The following UMODL1 variants were observed in gnomAD, a reference collection of about 807,000 sequenced individuals.
UMODL1 encodes the protein uromodulin-like 1.
UMODL1 carries 128 observed loss-of-function variants against 136.3 expected under a neutral mutation model. That is an observed-to-expected ratio of 0.94 (90% CI 0.81 to 1.09). The LOEUF is 1.09. Among genes scored for constraint, UMODL1 ranks in the 50% least tolerant of loss-of-function variants. The probability of loss-of-function intolerance (pLI) is 0.00; values close to 1 mark genes in which losing one functional copy is unlikely to be tolerated. For missense variants in UMODL1, 1,766 were observed against 1,725.6 expected (o/e 1.02, Z -0.41); for synonymous variants, 721 against 720.0 (o/e 1.00, Z -0.02).
At chr21:42,079,827 T>A (rs1387323015) in intron 2 of UMODL1, among the ~76,000 whole-genome samples, 3 of 152,138 alleles carry the variant, frequency 2.0e-5, no homozygotes. Flanking sequence ...CAGGCAGATT[T>A]TTGGGGGTTT....
rs541707109 is a variant in UMODL1 at position 42,083,962 on chromosome 21, C to T, written c.320-122C>T. 60 of 1,274,458 alleles carry T rather than the reference C, an allele frequency of 4.7e-5. No individual in the cohort carries two copies. The African/African-American group carries it at 6.8e-4, about 15-fold the overall frequency. 78.9% of individuals were successfully genotyped at this position (1,274,458 alleles called of 1,614,324 possible). A position where few individuals can be genotyped will look rare whatever the true frequency, so the allele number is the denominator to read the frequency against. ...TCTGCCCAGGCATGGGGATGGGCCC[C>T]GAACAGGCCACAGACCTACAGGCAG... On this transcript the variant is annotated intron_variant, in intron 2 of 22. Coordinates refer to ENST00000408910, the MANE Select transcript of UMODL1 (RefSeq NM_001004416.3).
At chr21:42,103,420 G>C (rs948398988) in intron 8 of UMODL1, 8 of 344,890 alleles carry the variant, frequency 2.3e-5, no homozygotes, top group African/African-American at 4.3e-5. Context: ...CTAAGCACCT[G>C]GCTCTGTGTG....
chr21:42,118,621 T>C (rs2066928521), intron 14 of UMODL1, among the ~76,000 whole-genome samples: 1 of 151,302 alleles, frequency 6.6e-6, no homozygotes, highest in Admixed American at 6.6e-5. Flanking sequence ...TGGGGAGAGG[T>C]AGGGAGGAAG....
At chr21:42,109,137 A>G (rs1364383255) in intron 9 of UMODL1, among the ~76,000 whole-genome samples, 2 of 90,568 alleles carry the variant, frequency 2.2e-5, no homozygotes, top group African/African-American at 4.3e-5. Context: ...CCCACCCCCC[A>G]TGCGGAAAGT....
intron 1 of UMODL1, among the ~76,000 whole-genome samples, chr21:42,074,907 TG>T (rs1173033541): frequency 6.6e-6 from 1 of 151,670 alleles, no homozygotes; most frequent in Non-Finnish European, 1.5e-5. Flanking sequence ...TTTTTATTTT[TG>T]TTTTTTTTTT....
At chr21:42,129,918 C>G (rs961591759) in intron 21 of UMODL1, 121 bp downstream of exon 21, 6 of 703,686 alleles carry the variant, frequency 8.5e-6, no homozygotes, top group Non-Finnish European at 1.3e-5. Context: ...TTCTAAGAGG[C>G]TTATCATAAC....
chr21:42,095,495 C>CT (rs74605814), intron 6 of UMODL1, among the ~76,000 whole-genome samples: 4,021 of 151,672 alleles, frequency 0.027, 78 homozygotes, highest in African/African-American at 0.056. Context: ...TAAATCCCCC[C>CT]GATTCTCTTT....
rs1385093773 is a variant in UMODL1, at chr21:42,099,030, G to A, written c.1036G>A (p.Val346Ile). 6.2e-7 allele frequency: 1 copy of A among 1,614,180 alleles called. No individual in the cohort carries two copies. ...STQNHTFHVR[V>I]YRGMELLRSA... is the part of the protein sequence containing the mutation. ...ACAGAACCACACTTTCCATGTCCGG[G>A]TTTACCGGGGTATGGAGTTGCTCAG... Residue 346 changes from valine (V) to isoleucine (I), a missense_variant, in exon 7 of 23, where the codon GTT becomes ATT. By Grantham distance (29) the Val-to-Ile change is conservative. Transcript: ENST00000408910. This position sits in a 1 kb window ranked among gnomAD's most constrained non-coding sequence, Gnocchi z 4.1.
intron 11 of UMODL1, 59 bp from the exon 12 acceptor site, chr21:42,111,447 G>A (rs948015462): frequency 3.7e-6 from 6 of 1,613,716 alleles, no homozygotes; most frequent in South Asian, 1.1e-5. Context: ...AAGGCTACTG[G>A]GTCAACCCAC....
Position 42,102,180 on chromosome 21 carries a change from G to A in UMODL1, c.1201G>A (p.Glu401Lys). The change falls in exon 8 of 23, where the codon GAA becomes AAA. Residue 401 changes from glutamate to lysine, a missense_variant. By Grantham distance (56) the Glu-to-Lys change is moderately conservative. Coordinates refer to ENST00000408910, the MANE Select transcript of UMODL1 (RefSeq NM_001004416.3). ...LTIKTNAQVF[E>K]VTIKIVNHNL... ...GTCTGTCTCAGATGCCCAGGTATTT[G>A]AAGTCACAATAAAGATTGTAAACCA... 1 of 1,612,582 alleles carries A rather than the reference G, an allele frequency of 6.2e-7. No homozygotes were observed. The highest frequency in any genetic ancestry group is 8.5e-7 in the Non-Finnish European group (1 of 1,178,962).
rs1274051803 is a variant in UMODL1, at chr21:42,127,033, C to T, written c.3321C>T (p.His1107=). 6.2e-6 allele frequency: 10 copies of T among 1,614,042 alleles called. No individual in the cohort carries two copies. Among genetic ancestry groups the T allele is most frequent in the Admixed American group, 1.7e-5 (1 of 60,010 alleles). The change falls in exon 19 of 23, where the codon CAC becomes CAT. Residue 1107 remains histidine, a synonymous_variant. Coordinates refer to ENST00000408910, the MANE Select transcript of UMODL1 (RefSeq NM_001004416.3). The stretch of plus-strand genomic sequence containing the variant: ...TTTACACCATCATCGAGGACCTCCA[C>T]GGCGCTGGGAATTTTGTTACCGAAA... ...WGVYTIIEDL[H]GAGNFVTEMQ...
At chr21:42,081,282 C>A (rs1454455795) in intron 2 of UMODL1, among the ~76,000 whole-genome samples, 2 of 152,238 alleles carry the variant, frequency 1.3e-5, no homozygotes, top group African/African-American at 4.8e-5. Flanking sequence ...AGGAGCGACT[C>A]CTCCTCAGCC....
In UMODL1 at chr21:42,127,239, A is replaced by C. The variant is rs2067071006; in HGVS notation, c.3527A>C (p.Asn1176Thr). ...RDPITFSFIN[N>T]SCPVPNTYTN... is the part of the protein sequence containing the mutation. ...CCCATCACCTTCAGCTTCATTAACA[A>C]CAGGTAGGGCTCAGGAGTGCAGGCA... The change falls in exon 19 of 23, where the codon AAC (asparagine) becomes ACC (threonine). Residue 1176 changes from asparagine to threonine, a missense_variant. By Grantham distance (65) the Asn-to-Thr change is moderately conservative. Transcript: ENST00000408910. 6.2e-7 allele frequency: 1 copy of C among 1,613,992 alleles called. No individual in the cohort carries two copies. Among genetic ancestry groups the C allele is most frequent in the East Asian group, 2.2e-5 (1 of 44,884 alleles).
rs1157801869 is a variant in UMODL1, at chr21:42,122,010, C to T, written c.2827+786C>T. Among the ~76,000 whole-genome samples, 1 of 152,074 alleles carries T rather than the reference C, an allele frequency of 6.6e-6. No individual in the cohort carries two copies. The highest frequency in any genetic ancestry group is 1.9e-4 in the East Asian group (1 of 5,184). Reference sequence around the variant, plus strand: ...GTGGCAGAGAGCGAGAAGCAGGCTGCCCAGGGAGGCGGGTGAGGCAGCAGC... The same window carrying T: ...GTGGCAGAGAGCGAGAAGCAGGCTGTCCAGGGAGGCGGGTGAGGCAGCAGC... On this transcript the variant is annotated intron_variant, in intron 16 of 22. Coordinates refer to ENST00000408910, the MANE Select transcript of UMODL1 (RefSeq NM_001004416.3). The surrounding 1 kb of genome is among the most constrained non-coding windows in gnomAD (Gnocchi z 4.3).
At chr21:42,081,777 TGTCGGGAAA>T (rs2066365098) in intron 2 of UMODL1, among the ~76,000 whole-genome samples, 1 of 152,182 alleles carries the variant, frequency 6.6e-6, no homozygotes, top group East Asian at 1.9e-4. Flanking sequence ...CACTGGGCAT[TGTCGGGAAA>T]CTCCATAGTT....
At chr21:42,130,849 G>T (rs1013337017) in intron 21 of UMODL1, among the ~76,000 whole-genome samples, 2 of 146,268 alleles carry the variant, frequency 1.4e-5, no homozygotes, top group Non-Finnish European at 3.0e-5. Flanking sequence ...TTTCTCTGTC[G>T]CCCAGGCTGG....
At chr21:42,063,066 A>C (rs2066155022) in exon 1 of UMODL1, 1 of 152,214 alleles carries the variant, frequency 6.6e-6, no homozygotes, top group African/African-American at 2.4e-5. Context: ...GGATCACTCC[A>C]ATCTCCATGG....
chr21:42,127,566 G>A (rs1027736007), intron 19 of UMODL1, 106 bp from the exon 20 acceptor site: 2 of 1,318,404 alleles, frequency 1.5e-6, no homozygotes, highest in Non-Finnish European at 1.0e-6. Context: ...CACGGAGCCT[G>A]TGGAATCTGC....
At chr21:42,063,839 T>A (rs1951075079) in intron 1 of UMODL1, among the ~76,000 whole-genome samples, 1 of 152,194 alleles carries the variant, frequency 6.6e-6, no homozygotes, top group African/African-American at 2.4e-5. Flanking sequence ...GAAGCAGCCG[T>A]GTGCACCAGC....
Sources: allele counts gnomAD v4.1 joint callset (sites outside exome capture counted in the v4.1 genomes callset), GRCh38; gene constraint gnomAD v4.1.1; non-coding constraint Gnocchi (gnomAD v3.1); transcripts MANE v1.5; gene names NCBI Gene and HGNC (gene_info 2026-07-23, HGNC 2026-07-21).